NEMP2: variants seen among roughly 807,000 people sequenced by gnomAD.
NEMP2 encodes the protein UPF0571 transmembrane protein.
NEMP2 carries 53 observed loss-of-function variants against 54.2 expected under a neutral mutation model. The ratio of observed to expected loss-of-function variants is 0.98; its 90% CI spans 0.78 to 1.23. NEMP2 has a LOEUF of 1.23. Among genes scored for constraint, NEMP2 ranks in the 50% most tolerant of loss-of-function variants. NEMP2 has a pLI of 0.00. For synonymous variants in NEMP2, 197 were observed against 190.3 expected (o/e 1.04, Z -0.29); for missense variants, 455 against 511.3 (o/e 0.89, Z 1.06).
the NEMP2 span, chr2:190,464,927 AT>A: frequency 8.1e-6 from 8 of 983,028 alleles, no homozygotes; most frequent in African/African-American, 1.2e-4. Context: ...GGGAGGGTGG[AT>A]TTAGCCATAT....
Position 190,510,296 on chromosome 2 carries a change from C to CTT in NEMP2, c.1130+64_1130+65insAA. 2 of 1,529,098 alleles carry CTT rather than the reference C, an allele frequency of 1.3e-6. No homozygotes were observed. Among genetic ancestry groups the CTT allele is most frequent in the Admixed American group, 4.0e-5 (2 of 50,254 alleles). 94.7% of individuals were successfully genotyped at this position (1,529,098 alleles called of 1,614,324 possible). On this transcript the variant is annotated intron_variant, in intron 8 of 8. Coordinates refer to ENST00000409150, the MANE Select transcript of NEMP2 (RefSeq NM_001142645.2). This position sits in a 1 kb window ranked among gnomAD's most constrained non-coding sequence, Gnocchi z 5.7. The stretch of plus-strand genomic sequence containing the variant: ...TCTACCCTGAAGTGCCTGTACCAAA[C>CTT]CATCATATTATTTTTTAAATCATTC...
rs1017666684 is a variant in NEMP2, at chr2:190,529,038, A to T, written c.98-3660T>A. ...AACACACTTTTCAATTAGCAAATAG[A>T]TCTTTTTAAAAACATGAATTGGGCC... On this transcript the variant is annotated intron_variant, in intron 1 of 8. Coordinates refer to ENST00000409150, the MANE Select transcript of NEMP2 (RefSeq NM_001142645.2). This position sits in a 1 kb window ranked among gnomAD's most constrained non-coding sequence, Gnocchi z 4.7. 5.9e-5 allele frequency among the ~76,000 whole-genome samples: 9 copies of T among 152,134 alleles called. No individual in the cohort carries two copies. Among genetic ancestry groups the T allele is most frequent in the Non-Finnish European group, 1.2e-4 (8 of 68,022 alleles).
At chr2:190,591,351 A>G in the NEMP2 span, among the ~76,000 whole-genome samples, 2 of 152,174 alleles carry the variant, frequency 1.3e-5, no homozygotes, top group African/African-American at 2.4e-5. This position sits in a 1 kb window ranked among gnomAD's most constrained non-coding sequence, Gnocchi z 5.4. Flanking sequence ...ATAGCTATGA[A>G]TATGTTCAAA....
rs1283766333 is a variant in NEMP2, at chr2:190,512,427, GAAAGTACTATAC to G, written c.954-1902_954-1891del. ...ATAAGTAAACAGCTCTTTGCAACTA[GAAAGTACTATAC>G]AAAATAAAGGTATTATTTCTCTGGT... On this transcript the variant is annotated intron_variant, in intron 7 of 8. Coordinates refer to ENST00000409150, the MANE Select transcript of NEMP2 (RefSeq NM_001142645.2). This position sits in a 1 kb window ranked among gnomAD's most constrained non-coding sequence, Gnocchi z 4.5. Among the ~76,000 whole-genome samples the G allele has an allele frequency of 6.6e-6, 1 of 152,140 alleles. No homozygotes were observed. Among genetic ancestry groups the G allele is most frequent in the Non-Finnish European group, 1.5e-5 (1 of 68,030 alleles).
At chr2:190,524,815 T>C (rs1164471304) in intron 2 of NEMP2, among the ~76,000 whole-genome samples, 2 of 152,236 alleles carry the variant, frequency 1.3e-5, no homozygotes, top group East Asian at 3.8e-4. Flanking sequence ...CTGGTACTTA[T>C]AAGGTAGGTA....
rs376098075 is a variant in NEMP2, at chr2:190,534,693, G to A, written c.-38C>T. 1 of 1,242,618 alleles carries A rather than the reference G, an allele frequency of 8.0e-7. No homozygotes were observed. The allele number at this position is 1,242,618 out of a possible 1,614,324, so 77.0% of individuals were successfully genotyped here. A position where few individuals can be genotyped will look rare whatever the true frequency, so the allele number is the denominator to read the frequency against. On this transcript the variant is annotated 5_prime_UTR_variant, in exon 1 of 9. Transcript: ENST00000409150. ...CAGCTCCGTGCGACCCGAGCCCTAG[G>A]GGACCGGCTCCGCTGCGAGGAGCGG...
chr2:190,489,857 G>A, the NEMP2 span: 4 of 1,613,644 alleles, frequency 2.5e-6, no homozygotes, highest in Admixed American at 3.3e-5. This position sits in a 1 kb window ranked among gnomAD's most constrained non-coding sequence, Gnocchi z 6.6. Flanking sequence ...AGTGCCAGAT[G>A]AGGAAGAAGG....
In NEMP2 at chr2:190,533,748, A is replaced by G. The variant is rs1050556975; in HGVS notation, c.97+811T>C. On this transcript the variant is annotated intron_variant, in intron 1 of 8. Transcript: ENST00000409150. This position sits in a 1 kb window ranked among gnomAD's most constrained non-coding sequence, Gnocchi z 4.3. The stretch of plus-strand genomic sequence containing the variant: ...GAAGTTGGTAGACAGTGCACCCAGG[A>G]AATCTTTTAAAAGATTTTATGAGGG... 6.6e-6 allele frequency among the ~76,000 whole-genome samples: 1 copy of G among 150,660 alleles called. No homozygotes were observed. Among genetic ancestry groups the G allele is most frequent in the African/African-American group, 2.4e-5 (1 of 40,922 alleles).
chr2:190,594,983 CA>C, the NEMP2 span, among the ~76,000 whole-genome samples: 1 of 152,172 alleles, frequency 6.6e-6, no homozygotes, highest in Non-Finnish European at 1.5e-5. This position sits in a 1 kb window ranked among gnomAD's most constrained non-coding sequence, Gnocchi z 5.6. Context: ...TGCATCCACA[CA>C]TACAATTTTT....
chr2:190,497,287 G>T, the NEMP2 span: 1 of 805,978 alleles, frequency 1.2e-6, no homozygotes, highest in South Asian at 1.8e-5. This position sits in a 1 kb window ranked among gnomAD's most constrained non-coding sequence, Gnocchi z 5.2. Flanking sequence ...CTTACACCAA[G>T]TAATGAAGTC....
the NEMP2 span, among the ~76,000 whole-genome samples, chr2:190,560,125 C>T: frequency 6.6e-6 from 1 of 152,158 alleles, no homozygotes; most frequent in Non-Finnish European, 1.5e-5. The surrounding 1 kb of genome is among the most constrained non-coding windows in gnomAD (Gnocchi z 5.4). Flanking sequence ...AATGAGAAGC[C>T]AGGTGAGTTG....
In NEMP2 at chr2:190,524,322, T is replaced by C. The variant is rs150846669; in HGVS notation, c.213+941A>G. ...GAATGATAAACTAAGGGAAGAAAGT[T>C]TGATGAGGAAGAGGTTATCTACACA... On this transcript the variant is annotated intron_variant, in intron 2 of 8. Coordinates refer to ENST00000409150, the MANE Select transcript of NEMP2 (RefSeq NM_001142645.2). Among the ~76,000 whole-genome samples, 464 of 151,942 alleles carry C rather than the reference T, an allele frequency of 3.1e-3. 5 individuals carry two copies. Among genetic ancestry groups the C allele is most frequent in the African/African-American group, 0.011 (437 of 41,404 alleles).
At chr2:190,646,134 T>C in the NEMP2 span, among the ~76,000 whole-genome samples, 1 of 152,252 alleles carries the variant, frequency 6.6e-6, no homozygotes, top group Non-Finnish European at 1.5e-5. Context: ...ACAAAAGATA[T>C]CCAAAGTGGT....
At chr2:190,426,459 C>T in the NEMP2 span, among the ~76,000 whole-genome samples, 2 of 152,000 alleles carry the variant, frequency 1.3e-5, no homozygotes, top group South Asian at 4.2e-4. The surrounding 1 kb of genome is among the most constrained non-coding windows in gnomAD (Gnocchi z 4.7). Flanking sequence ...AATTGCCTAT[C>T]TAAGCATTTT....
At chr2:190,481,557 C>T in the NEMP2 span, among the ~76,000 whole-genome samples, 1 of 152,226 alleles carries the variant, frequency 6.6e-6, no homozygotes, top group Non-Finnish European at 1.5e-5. Context: ...TCTCAAGGAG[C>T]TCAGTCTGCG....
At chr2:190,623,697 A>G in the NEMP2 span, among the ~76,000 whole-genome samples, 1 of 152,222 alleles carries the variant, frequency 6.6e-6, no homozygotes, top group African/African-American at 2.4e-5. Context: ...AAGACCTAAA[A>G]CTATGAAACA....
At chr2:190,607,742 C>G in the NEMP2 span, 1 of 152,130 alleles carries the variant, frequency 6.6e-6, no homozygotes, top group Non-Finnish European at 1.5e-5. The surrounding 1 kb of genome is among the most constrained non-coding windows in gnomAD (Gnocchi z 5.2). Context: ...AGTCAGTTGC[C>G]GTGCAATCAT....
chr2:190,644,332 C>T, the NEMP2 span, among the ~76,000 whole-genome samples: 3 of 152,178 alleles, frequency 2.0e-5, no homozygotes, highest in Admixed American at 1.3e-4. The surrounding 1 kb of genome is among the most constrained non-coding windows in gnomAD (Gnocchi z 4.4). Context: ...TCTTCCATCT[C>T]GAATCATCTC....
the NEMP2 span, among the ~76,000 whole-genome samples, chr2:190,472,257 T>G: frequency 2.0e-5 from 3 of 152,084 alleles, no homozygotes; most frequent in Non-Finnish European, 1.5e-5. Flanking sequence ...TTTGATGAGT[T>G]GAGAGAAGGC....
Sources: gnomAD v4.1 joint callset for allele counts (sites outside exome capture counted in the v4.1 genomes callset) on GRCh38, gnomAD v4.1.1 for gene constraint, Gnocchi (gnomAD v3.1) non-coding constraint, MANE v1.5 for transcripts, NCBI Gene and HGNC (gene_info 2026-07-23, HGNC 2026-07-21) for gene names.